BRCA1: variants seen among roughly 807,000 people sequenced by gnomAD.
BRCA1 encodes breast cancer type 1 susceptibility protein.
BRCA1 carries 140 observed loss-of-function variants against 173.7 expected under a neutral mutation model. The ratio of observed to expected loss-of-function variants is 0.81; its 90% CI spans 0.70 to 0.93. The LOEUF is 0.93. Ranked by LOEUF, BRCA1 falls within the 40% of genes least tolerant of loss-of-function variation. The pLI, the probability that BRCA1 is intolerant of heterozygous loss-of-function variation, is 0.00. For synonymous variants in BRCA1, 662 were observed against 756.0 expected, an observed-to-expected ratio of 0.88 and a Z score of 2.04; for missense variants, 1,983 against 2,172.5, an observed-to-expected ratio of 0.91 and a Z score of 1.73.
chr17:43,094,075 A>T lies in BRCA1; in HGVS notation c.1456T>A (p.Phe486Ile), dbSNP rs55906931. Residue 486 changes from phenylalanine to isoleucine, a missense_variant, in exon 10 of 23, where the codon TTT becomes ATT. Phe to Ile is a conservative substitution (Grantham distance 21). Transcript: ENST00000357654. ...TGTATTATCTGTGGCTCAGTAACAA[A>T]TGCTCCTATAATTAGATTTTCAGTT... ...HVTENLIIGA[F>I]VTEPQIIQER... is the part of the protein sequence containing the mutation. 1 of 1,614,110 alleles carries T rather than the reference A, an allele frequency of 6.2e-7. No individual in the cohort carries two copies. The highest frequency in any genetic ancestry group is 1.7e-5 in the Admixed American group (1 of 60,014).
At chr17:43,091,253 G>A (rs1329424537) in intron 10 of BRCA1, 182 bp downstream of exon 10, 7 of 884,840 alleles carry the variant, frequency 7.9e-6, no homozygotes, top group Non-Finnish European at 1.3e-5. Flanking sequence ...CAAAGATGAC[G>A]TCCTAGCTGT....
rs111819895 is a variant in BRCA1, at chr17:43,078,938, G to A, written c.4358-2324C>T. 3.7e-3 allele frequency among the ~76,000 whole-genome samples: 562 copies of A among 152,322 alleles called. 3 individuals are homozygous for A. The highest frequency in any genetic ancestry group is 0.012 in the African/African-American group (518 of 41,568). On this transcript the variant is annotated intron_variant, in intron 12 of 22. Transcript: ENST00000357654. Reference sequence around the variant, plus strand: ...AAAGTGGCCAGGTGATGTGGCTCACGCCTACAATCCCAGCACTTTGAGAGG... The same window carrying A: ...AAAGTGGCCAGGTGATGTGGCTCACACCTACAATCCCAGCACTTTGAGAGG...
intron 8 of BRCA1, 66 bp downstream of exon 8, chr17:43,097,178 T>C: frequency 1.4e-6 from 2 of 1,442,772 alleles, no homozygotes; most frequent in African/African-American, 1.4e-5. Flanking sequence ...GAGAGAAACA[T>C]CAATCCTTAA....
At chr17:43,148,008 G>A (rs571271401) in intron 1 of BRCA1, among the ~76,000 whole-genome samples, 58 of 152,236 alleles carry the variant, frequency 3.8e-4, no homozygotes, top group Non-Finnish European at 5.4e-4. Flanking sequence ...TTTGGCTGGG[G>A]AGCTAATTTC....
chr17:43,138,772 C>A, intron 1 of BRCA1: 1 of 779,072 alleles, frequency 1.3e-6, no homozygotes, highest in South Asian at 1.3e-5. Context: ...ATCCTTTCCT[C>A]CCCTGTAGCA....
At chr17:43,116,527 C>T (rs1183102583) in intron 2 of BRCA1, among the ~76,000 whole-genome samples, 2 of 151,938 alleles carry the variant, frequency 1.3e-5, no homozygotes, top group Admixed American at 1.3e-4. Flanking sequence ...CAAGTGTCTT[C>T]TTTTTTTTGA....
chr17:43,080,728 G>A (rs1347571088), intron 12 of BRCA1, among the ~76,000 whole-genome samples: 1 of 152,034 alleles, frequency 6.6e-6, no homozygotes, highest in Non-Finnish European at 1.5e-5. Flanking sequence ...AGGATCGCTT[G>A]AGGAGGTCGA....
chr17:43,095,230 C>A (rs540193654), intron 9 of BRCA1, among the ~76,000 whole-genome samples: 5 of 152,284 alleles, frequency 3.3e-5, no homozygotes, highest in African/African-American at 4.8e-5. Context: ...TACAGACTTA[C>A]CACTCCCTAT....
chr17:43,060,980 C>T (rs1167357590), intron 18 of BRCA1, among the ~76,000 whole-genome samples: 5 of 151,882 alleles, frequency 3.3e-5, no homozygotes, highest in South Asian at 4.2e-4. Context: ...AAAAACTAGT[C>T]GGGTGTGGTA....
intron 18 of BRCA1, among the ~76,000 whole-genome samples, chr17:43,063,064 AT>A (rs1276476195): frequency 6.6e-6 from 1 of 151,672 alleles, no homozygotes; most frequent in African/African-American, 2.4e-5. Context: ...CTAATTTTGT[AT>A]TTTTAGTAGA....
chr17:43,084,867 G>C (rs2053167225), intron 11 of BRCA1, among the ~76,000 whole-genome samples: 1 of 152,128 alleles, frequency 6.6e-6, no homozygotes, highest in Non-Finnish European at 1.5e-5. Context: ...TGCTTCACAG[G>C]CTGTATTAGT....
intron 1 of BRCA1, among the ~76,000 whole-genome samples, chr17:43,134,119 C>T (rs1239852319): frequency 5.9e-5 from 9 of 152,330 alleles, no homozygotes; most frequent in Middle Eastern, 3.4e-3. Context: ...CTCTCTGGTC[C>T]CTTGACCCTT....
chr17:43,115,629 G>A (rs2055233735), intron 3 of BRCA1, 97 bp downstream of exon 3: 1 of 1,212,434 alleles, frequency 8.2e-7, no homozygotes. Flanking sequence ...TCACTTAATT[G>A]AAGAAAGTAA....
In BRCA1 at chr17:43,109,041, T is replaced by TCTATCTATCTACCTAC. The variant is rs146934045; in HGVS notation, c.135-2524_135-2509dup. Among the ~76,000 whole-genome samples, 47,605 of 151,448 alleles carry TCTATCTATCTACCTAC rather than the reference T, an allele frequency of 0.31. 7,830 individuals carry two copies. The highest frequency in any genetic ancestry group is 0.49 in the South Asian group (2,345 of 4,778). On this transcript the variant is annotated intron_variant, in intron 3 of 22. Transcript: ENST00000357654. Reference sequence around the variant, plus strand: ...AAAAAACCCCAACTATATCTATATCTCTATCTATCTACCTACCTATCTATC... The same window carrying TCTATCTATCTACCTAC: ...AAAAAACCCCAACTATATCTATATCTCTATCTATCTACCTACCTATCTATCTACCTACCTATCTATC...
chr17:43,075,961 C>T (rs2052692457), intron 13 of BRCA1, among the ~76,000 whole-genome samples: 1 of 151,782 alleles, frequency 6.6e-6, no homozygotes, highest in South Asian at 2.1e-4. Flanking sequence ...GTGTGGGTGG[C>T]GCATGCTTGT....
intron 1 of BRCA1, chr17:43,144,265 GA>G: frequency 6.5e-6 from 2 of 307,926 alleles, no homozygotes; most frequent in Non-Finnish European, 1.3e-5. Flanking sequence ...TTGTAAGGGC[GA>G]AAAGCCCCCT....
chr17:43,114,898 GAAAC>G, intron 3 of BRCA1, among the ~76,000 whole-genome samples: 1 of 152,146 alleles, frequency 6.6e-6, no homozygotes, highest in Non-Finnish European at 1.5e-5. Flanking sequence ...CTTTTATTAA[GAAAC>G]AAACATTTTC....
intron 1 of BRCA1, chr17:43,139,012 A>G: frequency 5.2e-6 from 4 of 767,936 alleles, no homozygotes; most frequent in African/African-American, 1.7e-5. Context: ...AATTGCCTAT[A>G]TACAACCCCT....
In BRCA1 at chr17:43,095,834, C is replaced by G. The variant is rs560661816; in HGVS notation, c.670+12G>C. 6.2e-7 allele frequency: 1 copy of G among 1,608,034 alleles called. No individual in the cohort carries two copies. Among genetic ancestry groups the G allele is most frequent in the Non-Finnish European group, 8.5e-7 (1 of 1,174,996 alleles). ...TTTCAGTGCCTGTTAAGTTGGCAAA[C>G]TTTGCCATTACCCTTTTTTGCAGAA... On this transcript the variant is annotated intron_variant, in intron 9 of 22. Transcript: ENST00000357654.
Sources: gnomAD v4.1 joint callset for allele counts (sites outside exome capture counted in the v4.1 genomes callset) on GRCh38, gnomAD v4.1.1 for gene constraint, MANE v1.5 for transcripts, NCBI Gene and HGNC (gene_info 2026-07-23, HGNC 2026-07-21) for gene names.